Variants in PDE4D observed in about 807,000 individuals in gnomAD.
PDE4D encodes the protein phosphodiesterase 4D.
A neutral mutation model predicts 87.4 loss-of-function variants in PDE4D; 24 were observed. The ratio of observed to expected loss-of-function variants is 0.27; its 90% CI spans 0.20 to 0.39. PDE4D has a LOEUF of 0.39. PDE4D is among the 10% of genes least tolerant of loss of function. PDE4D has a pLI of 1.00. For missense variants in PDE4D, 714 were observed against 1,041.0 expected (o/e 0.69, Z 4.32); for synonymous variants, 384 against 383.2 (o/e 1.00, Z -0.02).
intron 3 of PDE4D, among the ~76,000 whole-genome samples, chr5:59,965,816 C>T (rs1046938139): frequency 2.0e-5 from 3 of 152,070 alleles, no homozygotes; most frequent in African/African-American, 4.8e-5. Context: ...CTCTGCAGGC[C>T]GAATGGTCTC....
In PDE4D at chr5:59,988,607, G is replaced by A. The variant is rs376507910; in HGVS notation, c.153C>T (p.Leu51=). The A allele has an allele frequency of 2.7e-5, 43 of 1,599,268 alleles. No homozygotes were observed. In the African/African-American group the frequency reaches 3.1e-4, roughly 11 times the overall value. ...CAGCTTGTTCCAACTGTCTGAAGGC[G>A]AGAGGGGGAAGCTGAATATTGCGAC... The change falls in exon 3 of 17, where the codon CTC becomes CTT. Residue 51 remains leucine, a synonymous_variant. Transcript: ENST00000502484.
intron 1 of PDE4D, among the ~76,000 whole-genome samples, chr5:59,394,879 G>C (rs1406967293): frequency 1.3e-5 from 2 of 152,072 alleles, no homozygotes; most frequent in South Asian, 2.1e-4. Flanking sequence ...TGCGCGCACC[G>C]TGCACAAGCC....
intron 2 of PDE4D, among the ~76,000 whole-genome samples, chr5:60,096,225 TG>T (rs1775667481): frequency 6.6e-6 from 1 of 151,818 alleles, no homozygotes; most frequent in Non-Finnish European, 1.5e-5. Flanking sequence ...TTATGACCAA[TG>T]GAAAAGAATA....
chr5:59,099,796 C>T (rs1012090440), intron 5 of PDE4D, among the ~76,000 whole-genome samples: 2 of 151,668 alleles, frequency 1.3e-5, no homozygotes, highest in African/African-American at 4.9e-5. Context: ...ATTGCTCTTA[C>T]CTCTTATCTC....
chr5:60,479,122 A>G (rs1019752403), intron 1 of PDE4D, among the ~76,000 whole-genome samples: 1 of 152,140 alleles, frequency 6.6e-6, no homozygotes, highest in African/African-American at 2.4e-5. Context: ...CCTTTTCTGT[A>G]CACTATGCTT....
At chr5:59,992,041 T>C (rs948705102) in intron 2 of PDE4D, among the ~76,000 whole-genome samples, 5 of 152,168 alleles carry the variant, frequency 3.3e-5, no homozygotes, top group Non-Finnish European at 5.9e-5. Flanking sequence ...CAGAGAAACA[T>C]GGAAGGACTG....
intron 5 of PDE4D, among the ~76,000 whole-genome samples, chr5:59,042,267 C>T (rs1376805003): frequency 1.3e-5 from 2 of 152,114 alleles, no homozygotes; most frequent in Admixed American, 6.6e-5. Flanking sequence ...ATTTGTAAAG[C>T]TTCACTTTTA....
At chr5:60,277,641 G>T (rs557079887) in intron 1 of PDE4D, among the ~76,000 whole-genome samples, 1 of 152,050 alleles carries the variant, frequency 6.6e-6, no homozygotes, top group Non-Finnish European at 1.5e-5. Context: ...ACAAAAAAAG[G>T]TAACAATCTG....
chr5:59,104,726 G>C (rs1450995480), intron 5 of PDE4D, among the ~76,000 whole-genome samples: 1 of 152,040 alleles, frequency 6.6e-6, no homozygotes, highest in Non-Finnish European at 1.5e-5. Flanking sequence ...AAAGGAAAGA[G>C]GGAAGGAGAG....
intron 6 of PDE4D, among the ~76,000 whole-genome samples, chr5:59,005,100 C>G (rs530270709): frequency 3.0e-4 from 46 of 152,188 alleles, no homozygotes; most frequent in African/African-American, 7.9e-4. Flanking sequence ...GGGTTTTCAC[C>G]CTCAGCAAAA....
chr5:59,964,493 C>T (rs1759797055), intron 3 of PDE4D, among the ~76,000 whole-genome samples: 2 of 152,082 alleles, frequency 1.3e-5, no homozygotes, highest in Admixed American at 1.3e-4. Flanking sequence ...GATCTCAATC[C>T]TTCTCCTGAG....
In PDE4D at chr5:58,973,994, A is replaced by AAAAAT. The variant is rs1192796773; in HGVS notation, c.*665_*669dup. 7.2e-5 allele frequency: 11 copies of AAAAAT among 152,662 alleles called. No individual in the cohort carries two copies. The highest frequency in any genetic ancestry group is 2.7e-4 in the African/African-American group (11 of 41,458). The allele number at this position is 152,662 out of a possible 1,614,324, so 9.5% of individuals were successfully genotyped here. On this transcript the variant is annotated 3_prime_UTR_variant, in exon 15 of 15. Transcript: ENST00000340635. ...AAAACTTGCAAGTTACTCCTTAGAAAAAAATAACCAGTGGCAGATGAAGTT... is the reference window on the plus strand; with the variant it reads ...AAAACTTGCAAGTTACTCCTTAGAAAAAAATAAAATAACCAGTGGCAGATGAAGTT...
intron 1 of PDE4D, among the ~76,000 whole-genome samples, chr5:60,384,601 T>G (rs1315792224): frequency 6.6e-6 from 1 of 152,204 alleles, no homozygotes; most frequent in Non-Finnish European, 1.5e-5. Context: ...GGCCCTTGCC[T>G]GGTGCTACAG....
intron 1 of PDE4D, among the ~76,000 whole-genome samples, chr5:59,677,980 C>T (rs1428618834): frequency 6.6e-6 from 1 of 152,160 alleles, no homozygotes; most frequent in African/African-American, 2.4e-5. Flanking sequence ...TGTTCAAGTG[C>T]TATTAAGCAC....
intron 6 of PDE4D, among the ~76,000 whole-genome samples, chr5:59,004,610 T>C (rs908764931): frequency 6.6e-6 from 1 of 152,254 alleles, no homozygotes; most frequent in Non-Finnish European, 1.5e-5. Flanking sequence ...ACTAGAAAAT[T>C]TGGTGTGGAT....
chr5:59,502,304 A>C (rs1162573224), intron 1 of PDE4D, among the ~76,000 whole-genome samples: 1 of 152,160 alleles, frequency 6.6e-6, no homozygotes. Context: ...ATTAAAGCAA[A>C]GAGAAAGAGG....
chr5:60,427,966 C>T (rs957953032), intron 1 of PDE4D, among the ~76,000 whole-genome samples: 3 of 152,132 alleles, frequency 2.0e-5, no homozygotes, highest in Non-Finnish European at 4.4e-5. Flanking sequence ...GTCCCAGCTA[C>T]TCAGGAGGCC....
At chr5:59,869,147 GA>G (rs1225583689) in intron 1 of PDE4D, among the ~76,000 whole-genome samples, 3 of 152,098 alleles carry the variant, frequency 2.0e-5, no homozygotes, top group African/African-American at 7.2e-5. Context: ...AGACATTAAT[GA>G]AAAAAATCTC....
At chr5:59,872,329 G>C (rs766995953) in intron 1 of PDE4D, among the ~76,000 whole-genome samples, 9 of 150,994 alleles carry the variant, frequency 6.0e-5, no homozygotes, top group Non-Finnish European at 1.0e-4. Context: ...ACACAGCATA[G>C]TCTTTCCTTG....
Sources: gnomAD v4.1 joint callset for allele counts (sites outside exome capture counted in the v4.1 genomes callset) on GRCh38, gnomAD v4.1.1 for gene constraint, MANE v1.5 for transcripts, NCBI Gene and HGNC (gene_info 2026-07-23, HGNC 2026-07-21) for gene names.